TRPS1: variants seen among roughly 807,000 people sequenced by gnomAD.
TRPS1 encodes the protein transcriptional repressor GATA binding 1, also known as zinc finger transcription factor Trps1.
Under a neutral mutation model 101.2 loss-of-function variants are expected in TRPS1, and 6 were observed. The ratio of observed to expected loss-of-function variants is 0.06; its 90% CI spans 0.03 to 0.12. TRPS1 has a LOEUF of 0.12. Ranked by LOEUF, TRPS1 falls within the 10% of genes least tolerant of loss-of-function variation. The pLI is 1.00. For synonymous variants in TRPS1, 578 were observed against 589.8 expected, an observed-to-expected ratio of 0.98 and a Z score of 0.29; for missense variants, 1,363 against 1,567.0, an observed-to-expected ratio of 0.87 and a Z score of 2.20.
chr8:115,535,227 T>TATGTATAGC (rs1816264638), intron 5 of TRPS1, among the ~76,000 whole-genome samples: 2 of 118,832 alleles, frequency 1.7e-5, no homozygotes, highest in African/African-American at 3.2e-5. Flanking sequence ...ATATAGCATA[T>TATGTATAGC]ATATATAGCA....
chr8:115,486,297 G>C (rs1222418627), intron 5 of TRPS1, among the ~76,000 whole-genome samples: 1 of 152,174 alleles, frequency 6.6e-6, no homozygotes, highest in Non-Finnish European at 1.5e-5. Context: ...TGCTGCGTGT[G>C]TTCTGACTGC....
In TRPS1 at chr8:115,426,382, C is replaced by A. The variant is rs904485998; in HGVS notation, c.2701-7930G>T. Reference sequence around the variant, plus strand: ...AAATAAAAATATCAGCGATGAAGACCTTTCTAGAAAAGTCCTAAAAGCCAA... The same window carrying A: ...AAATAAAAATATCAGCGATGAAGACATTTCTAGAAAAGTCCTAAAAGCCAA... On this transcript the variant is annotated intron_variant, in intron 5 of 6. Coordinates refer to ENST00000395715, the MANE Select transcript of TRPS1 (RefSeq NM_014112.5). Among the ~76,000 whole-genome samples, 14 of 152,004 alleles carry A rather than the reference C, an allele frequency of 9.2e-5. No individual in the cohort carries two copies. In the South Asian group the frequency reaches 2.9e-3, roughly 32 times the overall value.
intron 5 of TRPS1, among the ~76,000 whole-genome samples, chr8:115,563,023 T>C (rs1816984117): frequency 6.6e-6 from 1 of 151,774 alleles, no homozygotes; most frequent in Non-Finnish European, 1.5e-5. Context: ...GTAGATTAAA[T>C]GCAAAGCAAC....
intron 5 of TRPS1, among the ~76,000 whole-genome samples, chr8:115,583,387 A>G (rs1242542120): frequency 6.6e-6 from 1 of 151,690 alleles, no homozygotes; most frequent in Non-Finnish European, 1.5e-5. Context: ...ATTTACTTAT[A>G]CTGTTGGTAC....
intron 4 of TRPS1, among the ~76,000 whole-genome samples, chr8:115,589,211 T>C (rs111415700): frequency 1.1e-3 from 165 of 152,322 alleles, no homozygotes; most frequent in African/African-American, 3.8e-3. Flanking sequence ...TGAAGGGTTA[T>C]CTAGAGCTTT....
chr8:115,483,500 T>G (rs1030125142), intron 5 of TRPS1, among the ~76,000 whole-genome samples: 16 of 145,146 alleles, frequency 1.1e-4, no homozygotes, highest in Non-Finnish European at 4.5e-5. Context: ...GCTACTGCAC[T>G]CCAGCCTGGG....
chr8:115,413,622 T>G lies in TRPS1; in HGVS notation c.*401A>C, dbSNP rs7841238. The G allele has an allele frequency of 0.036, 5,807 of 162,010 alleles. 334 individuals are homozygous for G. Among genetic ancestry groups the G allele is most frequent in the African/African-American group, 0.13 (5,338 of 41,680 alleles). 10.0% of individuals were successfully genotyped at this position (162,010 alleles called of 1,614,324 possible). A position where few individuals can be genotyped will look rare whatever the true frequency, so the allele number is the denominator to read the frequency against. On this transcript the variant is annotated 3_prime_UTR_variant, in exon 7 of 7. Transcript: ENST00000395715. ...AATTTATGGGTTTTGGAACAAATGG[T>G]CCAATGGCCAGTCCAGTACTGCTTT...
intron 5 of TRPS1, among the ~76,000 whole-genome samples, chr8:115,452,446 T>C (rs1813898936): frequency 6.6e-6 from 1 of 152,202 alleles, no homozygotes; most frequent in South Asian, 2.1e-4. Context: ...TTATGTATTA[T>C]ATATTTACAT....
chr8:115,625,921 T>C (rs1326083742), intron 1 of TRPS1, among the ~76,000 whole-genome samples: 2 of 151,854 alleles, frequency 1.3e-5, no homozygotes, highest in Non-Finnish European at 1.5e-5. Flanking sequence ...CTTTTTGTTT[T>C]TCCAGCTTAT....
chr8:115,550,488 C>T (rs11990221), intron 5 of TRPS1, among the ~76,000 whole-genome samples: 7,932 of 152,192 alleles, frequency 0.052, 740 homozygotes, highest in African/African-American at 0.18. Flanking sequence ...CTTAAGGATA[C>T]TGTGAAGACT....
At chr8:115,667,814 A>G (rs937972168) in intron 1 of TRPS1, 93 of 1,532,860 alleles carry the variant, frequency 6.1e-5, no homozygotes, top group Non-Finnish European at 7.9e-5. Flanking sequence ...CCCACTTTGG[A>G]GACCATACGG....
chr8:115,548,163 G>A (rs774786987), intron 5 of TRPS1, among the ~76,000 whole-genome samples: 17 of 152,044 alleles, frequency 1.1e-4, no homozygotes, highest in Non-Finnish European at 4.4e-5. Flanking sequence ...AAACTCAGGA[G>A]GTTGAGGCTG....
intron 5 of TRPS1, among the ~76,000 whole-genome samples, chr8:115,469,166 A>G (rs1023265040): frequency 6.6e-6 from 1 of 152,046 alleles, no homozygotes; most frequent in Admixed American, 6.5e-5. Context: ...ACAAAAACAT[A>G]CACACACACA....
intron 1 of TRPS1, among the ~76,000 whole-genome samples, chr8:115,639,367 C>T (rs1329903918): frequency 6.6e-6 from 1 of 152,148 alleles, no homozygotes; most frequent in Non-Finnish European, 1.5e-5. Flanking sequence ...CGATGTCCAA[C>T]AGTCAATCAC....
At chr8:115,515,444 T>C (rs933835894) in intron 5 of TRPS1, among the ~76,000 whole-genome samples, 1 of 151,568 alleles carries the variant, frequency 6.6e-6, no homozygotes, top group Admixed American at 6.6e-5. Flanking sequence ...TAAATGTCAT[T>C]AGTTTGGCAT....
At chr8:115,547,297 C>A (rs1816598059) in intron 5 of TRPS1, among the ~76,000 whole-genome samples, 1 of 152,050 alleles carries the variant, frequency 6.6e-6, no homozygotes, top group South Asian at 2.1e-4. Flanking sequence ...ACCTCTCGCC[C>A]TCCCCTTCCC....
At chr8:115,515,558 CTAAG>C (rs140992334) in intron 5 of TRPS1, among the ~76,000 whole-genome samples, 2,283 of 144,082 alleles carry the variant, frequency 0.016, 50 homozygotes, top group African/African-American at 0.055. Flanking sequence ...AAATAAATGA[CTAAG>C]TATTTCATGT....
intron 5 of TRPS1, among the ~76,000 whole-genome samples, chr8:115,577,885 G>A (rs373046818): frequency 3.9e-5 from 6 of 152,214 alleles, no homozygotes; most frequent in South Asian, 2.1e-4. Flanking sequence ...GGGGGAAGGC[G>A]AAAACTTCAA....
intron 4 of TRPS1, among the ~76,000 whole-genome samples, chr8:115,595,440 T>G (rs1244293749): frequency 6.6e-6 from 1 of 151,856 alleles, no homozygotes; most frequent in African/African-American, 2.4e-5. Flanking sequence ...CCAAGAAAAA[T>G]TGAAATTCTG....
Sources: gnomAD v4.1 joint callset for allele counts (sites outside exome capture counted in the v4.1 genomes callset) on GRCh38, gnomAD v4.1.1 for gene constraint, MANE v1.5 for transcripts, NCBI Gene and HGNC (gene_info 2026-07-23, HGNC 2026-07-21) for gene names.